ABLIM1: variants seen among roughly 807,000 people sequenced by gnomAD.
The protein encoded by ABLIM1 is actin-binding LIM protein 1.
A neutral mutation model predicts 107.0 loss-of-function variants in ABLIM1; 40 were observed. The observed-to-expected ratio is 0.37, with a 90% CI of 0.29 to 0.49. The LOEUF (loss-of-function observed/expected upper bound fraction) is 0.49. Among genes scored for constraint, ABLIM1 ranks in the 20% least tolerant of loss-of-function variants. The pLI, the probability that ABLIM1 is intolerant of heterozygous loss-of-function variation, is 0.97. For missense variants in ABLIM1, 857 were observed against 1,008.5 expected, an observed-to-expected ratio of 0.85 and a Z score of 2.04; for synonymous variants, 357 against 357.3, an observed-to-expected ratio of 1.00 and a Z score of 0.01.
chr10:114,444,773 G>C (rs917184872), intron 16 of ABLIM1, among the ~76,000 whole-genome samples: 1 of 152,162 alleles, frequency 6.6e-6, no homozygotes, highest in Non-Finnish European at 1.5e-5. Flanking sequence ...ACTGATAACA[G>C]ACTGTCCTTC....
chr10:114,668,374 A>G (rs1336961579), intron 1 of ABLIM1, among the ~76,000 whole-genome samples: 3 of 152,192 alleles, frequency 2.0e-5, no homozygotes, highest in African/African-American at 7.2e-5. Context: ...CCTTTCTTAC[A>G]TGGGTTCATA....
intron 6 of ABLIM1, among the ~76,000 whole-genome samples, chr10:114,540,258 T>C (rs886575575): frequency 2.0e-5 from 3 of 152,170 alleles, no homozygotes; most frequent in Non-Finnish European, 4.4e-5. Flanking sequence ...ACTCAGATCC[T>C]TAGAGCCGAA....
intron 1 of ABLIM1, among the ~76,000 whole-genome samples, chr10:114,668,909 C>T (rs1050342922): frequency 1.9e-4 from 29 of 152,112 alleles, no homozygotes; most frequent in Non-Finnish European, 1.9e-4. Context: ...TCCATCCACC[C>T]GGAGGTGAGA....
chr10:114,510,164 C>G (rs1176968733), intron 6 of ABLIM1, among the ~76,000 whole-genome samples: 1 of 152,150 alleles, frequency 6.6e-6, no homozygotes, highest in Non-Finnish European at 1.5e-5. Flanking sequence ...TATACCTTCC[C>G]ACATCTTAAA....
intron 1 of ABLIM1, among the ~76,000 whole-genome samples, chr10:114,668,864 G>A (rs539829027): frequency 5.8e-4 from 89 of 152,310 alleles, no homozygotes; most frequent in African/African-American, 1.8e-3. Flanking sequence ...TAGGTCTCAC[G>A]GAAAGTCAGA....
upstream of ABLIM1, among the ~76,000 whole-genome samples, chr10:114,661,163 A>G (rs2079779766): frequency 6.6e-6 from 1 of 152,248 alleles, no homozygotes; most frequent in Non-Finnish European, 1.5e-5. Flanking sequence ...AAGAATTTTG[A>G]TACTTTTTTA....
At chr10:114,676,056 G>A (rs998240298) in intron 1 of ABLIM1, among the ~76,000 whole-genome samples, 1 of 152,192 alleles carries the variant, frequency 6.6e-6, no homozygotes, top group Non-Finnish European at 1.5e-5. Flanking sequence ...AGGTACTGGC[G>A]ATTAGGACTT....
chr10:114,677,647 C>G lies in ABLIM1; in HGVS notation c.64+6643G>C, dbSNP rs548082842. On this transcript the variant is annotated intron_variant, in intron 1 of 23. Coordinates refer to the ABLIM1 transcript ENST00000369256. ...AAAATGAGCCATGTGTGGTGGCATG[C>G]GCCTGTAATTCCACCTACTTGGGAG... 7.2e-5 allele frequency among the ~76,000 whole-genome samples: 11 copies of G among 152,254 alleles called. No homozygotes were observed. In the East Asian group the frequency reaches 2.1e-3, roughly 29 times the overall value.
At chr10:114,689,544 T>C (rs796286807), upstream of ABLIM1, among the ~76,000 whole-genome samples, 14 of 152,006 alleles carry the variant, frequency 9.2e-5, no homozygotes, top group African/African-American at 3.4e-4. Context: ...GTATTTTTAT[T>C]AGCGACGGGG....
intron 1 of ABLIM1, among the ~76,000 whole-genome samples, chr10:114,645,591 G>C (rs970632364): frequency 1.3e-5 from 2 of 151,998 alleles, no homozygotes; most frequent in Non-Finnish European, 2.9e-5. Flanking sequence ...ATTCTAAATA[G>C]AACAATGTCC....
chr10:114,512,195 T>C (rs2061975916), intron 6 of ABLIM1, among the ~76,000 whole-genome samples: 1 of 152,130 alleles, frequency 6.6e-6, no homozygotes, highest in African/African-American at 2.4e-5. Context: ...CAAAAGGATG[T>C]TTTTTTCCTG....
At chr10:114,591,545 G>T (rs1021156275) in intron 2 of ABLIM1, among the ~76,000 whole-genome samples, 1 of 152,050 alleles carries the variant, frequency 6.6e-6, no homozygotes, top group Non-Finnish European at 1.5e-5. Flanking sequence ...TCTGCTTCAT[G>T]AAATTAGAAG....
chr10:114,512,826 TAGAAGGAAGGAAGGAAGGAAGGAAGGAA>T (rs1454308495), intron 6 of ABLIM1, among the ~76,000 whole-genome samples: 3 of 67,898 alleles, frequency 4.4e-5, no homozygotes, highest in African/African-American at 7.1e-5. Flanking sequence ...CTCCATCAGA[TAGAAGGAAGGAAGGAAGGAAGGAAGGAA>T]AGAAGGAAGG....
chr10:114,597,427 A>G (rs1226447991), intron 2 of ABLIM1, among the ~76,000 whole-genome samples: 2 of 152,010 alleles, frequency 1.3e-5, no homozygotes, highest in Non-Finnish European at 2.9e-5. Flanking sequence ...CAATTTTCCC[A>G]TAAACCTAAA....
intron 20 of ABLIM1, 161 bp downstream of exon 20, chr10:114,439,921 C>A: frequency 7.9e-7 from 1 of 1,260,614 alleles, no homozygotes; most frequent in South Asian, 1.4e-5. Context: ...ACCCAGGCAC[C>A]AGGCATGTCT....
chr10:114,736,415 A>G (rs1417039081), intron 1 of ABLIM1, among the ~76,000 whole-genome samples: 1 of 152,228 alleles, frequency 6.6e-6, no homozygotes, highest in Non-Finnish European at 1.5e-5. Flanking sequence ...TGGGTTGGAT[A>G]TTAAAAAACA....
chr10:114,473,791 C>A, intron 9 of ABLIM1, 88 bp downstream of exon 9: 1 of 966,244 alleles, frequency 1.0e-6, no homozygotes, highest in Non-Finnish European at 1.6e-6. Context: ...CACTTTGAAT[C>A]AGTTTTTGTT....
At chr10:114,574,779 A>G (rs923625051) in intron 3 of ABLIM1, among the ~76,000 whole-genome samples, 4 of 152,180 alleles carry the variant, frequency 2.6e-5, no homozygotes, top group African/African-American at 9.7e-5. Context: ...TGCACAGTTA[A>G]GATACAACCT....
intron 5 of ABLIM1, among the ~76,000 whole-genome samples, chr10:114,546,357 G>T (rs1354467690): frequency 6.7e-6 from 1 of 149,322 alleles, no homozygotes; most frequent in Non-Finnish European, 1.5e-5. Context: ...ACAGTGGTGC[G>T]ATCTGGGCTC....
Sources: gnomAD v4.1 joint callset for allele counts (sites outside exome capture counted in the v4.1 genomes callset) on GRCh38, gnomAD v4.1.1 for gene constraint, MANE v1.5 for transcripts, NCBI Gene and HGNC (gene_info 2026-07-23, HGNC 2026-07-21) for gene names.